The following ZEB1 variants were observed in gnomAD, a reference collection of about 807,000 sequenced individuals.
The protein encoded by ZEB1 is zinc finger E-box binding homeobox 1, also known as zinc finger E-box-binding homeobox 1.
A neutral mutation model predicts 84.9 loss-of-function variants in ZEB1; 21 were observed. That is an observed-to-expected ratio of 0.25 (90% CI 0.18 to 0.36). The LOEUF (loss-of-function observed/expected upper bound fraction) is 0.36, where lower values mean the gene tolerates loss of function less well. Ranked by LOEUF, ZEB1 falls within the 10% of genes least tolerant of loss-of-function variation. ZEB1 has a pLI of 1.00. For synonymous variants in ZEB1, 420 were observed against 471.1 expected (o/e 0.89, Z 1.41); for missense variants, 1,104 against 1,330.2 (o/e 0.83, Z 2.65).
At chr10:31,401,782 T>C (rs1440008134) in intron 1 of ZEB1, among the ~76,000 whole-genome samples, 1 of 152,202 alleles carries the variant, frequency 6.6e-6, no homozygotes, top group African/African-American at 2.4e-5. Flanking sequence ...GTAATTTTTC[T>C]GATATATTTT....
intron 6 of ZEB1, among the ~76,000 whole-genome samples, chr10:31,517,925 C>T (rs1025266696): frequency 6.6e-6 from 1 of 152,062 alleles, no homozygotes; most frequent in African/African-American, 2.4e-5. Flanking sequence ...GCTTAATTAA[C>T]TTGTCCAAGG....
chr10:31,430,804 A>ATAT (rs2057619824), intron 1 of ZEB1, among the ~76,000 whole-genome samples: 1 of 152,218 alleles, frequency 6.6e-6, no homozygotes, highest in South Asian at 2.1e-4. Context: ...ATGAACTTAC[A>ATAT]TAGCAAGACA....
At chr10:31,488,252 T>G (rs966498685) in intron 2 of ZEB1, among the ~76,000 whole-genome samples, 1 of 151,286 alleles carries the variant, frequency 6.6e-6, no homozygotes, top group South Asian at 2.1e-4. Context: ...TAAAAATATT[T>G]ACAGGAATAT....
chr10:31,448,679 G>A (rs934770717), intron 1 of ZEB1, among the ~76,000 whole-genome samples: 1 of 152,232 alleles, frequency 6.6e-6, no homozygotes, highest in South Asian at 2.1e-4. Flanking sequence ...GCCGTGTGAG[G>A]TGTCAGTGTG....
Position 31,520,680 on chromosome 10 carries a change from A to G in ZEB1, c.1348A>G (p.Ile450Val), listed in dbSNP as rs1592086280. The change falls in exon 7 of 9, where the codon ATA becomes GTA. Residue 450 changes from isoleucine to valine, a missense_variant. Ile to Val is a conservative substitution (Grantham distance 29). Coordinates refer to ENST00000424869, the MANE Select transcript of ZEB1 (RefSeq NM_001174096.2). This position sits in a 1 kb window ranked among gnomAD's most constrained non-coding sequence, Gnocchi z 5.1. ...ACAAGAAACAATCAATGCTTCACCC[A>G]TACAACAAGGTGGCCATTCTGTTAT... ...KEQETINASP[I>V]QQGGHSVISA... is the part of the protein sequence containing the mutation. The G allele has an allele frequency of 1.9e-6, 3 of 1,614,130 alleles. No individual in the cohort carries two copies. Among genetic ancestry groups the G allele is most frequent in the Non-Finnish European group, 2.5e-6 (3 of 1,180,006 alleles).
At chr10:31,522,121 C>A (rs185789020) in intron 7 of ZEB1, among the ~76,000 whole-genome samples, 185 bp downstream of exon 7, 3 of 152,056 alleles carry the variant, frequency 2.0e-5, no homozygotes, top group African/African-American at 7.2e-5. Flanking sequence ...GTTTGCTAAT[C>A]CAGGGTATTG....
chr10:31,472,914 C>A (rs1408451628), intron 2 of ZEB1, among the ~76,000 whole-genome samples: 1 of 124,588 alleles, frequency 8.0e-6, no homozygotes, highest in Non-Finnish European at 1.5e-5. Context: ...ATACCCAAAT[C>A]AATAAATGTA....
chr10:31,445,403 T>C (rs943408001), intron 1 of ZEB1, among the ~76,000 whole-genome samples: 23 of 147,884 alleles, frequency 1.6e-4, no homozygotes, highest in Middle Eastern at 6.8e-3. Context: ...TGAATACCCT[T>C]TATTTCCTTC....
intron 2 of ZEB1, among the ~76,000 whole-genome samples, chr10:31,478,693 C>CT (rs1237751668): frequency 6.6e-6 from 1 of 151,718 alleles, no homozygotes; most frequent in Non-Finnish European, 1.5e-5. Flanking sequence ...AAATTATGTC[C>CT]TTTTTAGAAG....
At chr10:31,365,081 T>C (rs2044203671) in intron 1 of ZEB1, among the ~76,000 whole-genome samples, 2 of 152,244 alleles carry the variant, frequency 1.3e-5, no homozygotes, top group African/African-American at 4.8e-5. Flanking sequence ...GTAAAGATTA[T>C]GTTATAGATC....
At chr10:31,442,306 G>C (rs2059113822) in intron 1 of ZEB1, among the ~76,000 whole-genome samples, 1 of 151,976 alleles carries the variant, frequency 6.6e-6, no homozygotes, top group Non-Finnish European at 1.5e-5. Context: ...ACTATCGCAA[G>C]GACAAAAAAC....
At position 31,520,116 on chromosome 10, in the gene ZEB1, G is replaced by A; in HGVS notation, c.794-10G>A. On this transcript the variant is annotated splice_polypyrimidine_tract_variant and intron_variant, in intron 6 of 8. Coordinates refer to ENST00000424869, the MANE Select transcript of ZEB1 (RefSeq NM_001174096.2). The surrounding 1 kb of genome is among the most constrained non-coding windows in gnomAD (Gnocchi z 5.1). ...TTCAGTGAATATAATTTGTTTGTTT[G>A]TTTGTTTAGGAGAGAAGCCATATGA... The A allele has an allele frequency of 6.2e-7, 1 of 1,613,044 alleles. No individual in the cohort carries two copies. The highest frequency in any genetic ancestry group is 8.5e-7 in the Non-Finnish European group (1 of 1,179,680).
chr10:31,515,132 T>C (rs2070834455), intron 6 of ZEB1, among the ~76,000 whole-genome samples: 1 of 151,858 alleles, frequency 6.6e-6, no homozygotes, highest in African/African-American at 2.4e-5. Context: ...GATTAGAAAA[T>C]ATTGGAGAGC....
At chr10:31,362,186 C>G (rs1357445608) in intron 1 of ZEB1, among the ~76,000 whole-genome samples, 1 of 151,150 alleles carries the variant, frequency 6.6e-6, no homozygotes, top group Non-Finnish European at 1.5e-5. Context: ...GCGCTTCTCA[C>G]TTCCCATACT....
At chr10:31,337,919 A>G (rs1021370791) in intron 1 of ZEB1, among the ~76,000 whole-genome samples, 3 of 152,056 alleles carry the variant, frequency 2.0e-5, no homozygotes, top group Non-Finnish European at 4.4e-5. Context: ...CCTGACCCTC[A>G]TGATCCACCT....
In ZEB1 at chr10:31,428,327, A is replaced by C. The variant is rs571330463; in HGVS notation, c.59-32710A>C. Among the ~76,000 whole-genome samples, 7 of 152,306 alleles carry C rather than the reference A, an allele frequency of 4.6e-5. No individual in the cohort carries two copies. In the East Asian group the frequency reaches 1.2e-3, roughly 25 times the overall value. ...TCCTTAATTTCATTATTTACCCAAA[A>C]GTCATTCAGGAGTAGGTTATTCAGT... On this transcript the variant is annotated intron_variant, in intron 1 of 8. Transcript: ENST00000424869.
At chr10:31,449,199 C>T (rs1347052860) in intron 1 of ZEB1, among the ~76,000 whole-genome samples, 1 of 152,242 alleles carries the variant, frequency 6.6e-6, no homozygotes, top group Non-Finnish European at 1.5e-5. Context: ...TCACCCCTTT[C>T]TTTGACTCGG....
chr10:31,384,619 T>C (rs1322863266), intron 1 of ZEB1, among the ~76,000 whole-genome samples: 4 of 152,204 alleles, frequency 2.6e-5, no homozygotes, highest in African/African-American at 7.2e-5. Context: ...GGAAGTTTTG[T>C]AGGGAACTTA....
intron 3 of ZEB1, among the ~76,000 whole-genome samples, chr10:31,501,043 T>C (rs2068048898): frequency 6.6e-6 from 1 of 152,238 alleles, no homozygotes; most frequent in Admixed American, 6.5e-5. Flanking sequence ...TGGTTACCGC[T>C]ACAGTGCAGG....
Sources: gnomAD v4.1 joint callset for allele counts (sites outside exome capture counted in the v4.1 genomes callset) on GRCh38, gnomAD v4.1.1 for gene constraint, Gnocchi (gnomAD v3.1) non-coding constraint, MANE v1.5 for transcripts, NCBI Gene and HGNC (gene_info 2026-07-23, HGNC 2026-07-21) for gene names.